SEL1L3: variants seen among roughly 807,000 people sequenced by gnomAD.
The protein encoded by SEL1L3 is SEL1L family member 3.
A neutral mutation model predicts 142.8 loss-of-function variants in SEL1L3; 76 were observed. The observed-to-expected ratio is 0.53, with a 90% CI of 0.44 to 0.64. SEL1L3 has a LOEUF of 0.64. SEL1L3 is among the 30% of genes least tolerant of loss of function. The pLI, the probability that SEL1L3 is intolerant of heterozygous loss-of-function variation, is 0.00. For synonymous variants in SEL1L3, 504 were observed against 519.6 expected, an observed-to-expected ratio of 0.97 and a Z score of 0.41; for missense variants, 1,262 against 1,381.7, an observed-to-expected ratio of 0.91 and a Z score of 1.37.
chr4:25,730,160 C>T, the SEL1L3 span, among the ~76,000 whole-genome samples: 1 of 152,064 alleles, frequency 6.6e-6, no homozygotes, highest in South Asian at 2.1e-4. Flanking sequence ...TCTCGAACTC[C>T]TGACCTCAAG....
intron 8 of SEL1L3, 56 bp from the exon 9 acceptor site, chr4:25,818,334 C>G: frequency 2.0e-6 from 3 of 1,465,010 alleles, no homozygotes; most frequent in Non-Finnish European, 2.8e-6. Flanking sequence ...ATAAGACTCA[C>G]CTCCCTAAAG....
Position 25,765,947 on chromosome 4 carries a change from GT to G in SEL1L3, c.2846-513del, listed in dbSNP as rs1295905199. Among the ~76,000 whole-genome samples, 7 of 152,204 alleles carry G rather than the reference GT, an allele frequency of 4.6e-5. No individual in the cohort carries two copies. The East Asian group carries it at 1.4e-3, about 29-fold the overall frequency. ...AGCCACCGTGCCTGGACTCTAGACA[GT>G]TTCTTATTTGGCCAGGTAGCTCTCC... On this transcript the variant is annotated intron_variant, in intron 19 of 23. Transcript: ENST00000399878.
intron 1 of SEL1L3, among the ~76,000 whole-genome samples, chr4:25,858,537 T>G (rs903412182): frequency 3.3e-5 from 5 of 152,126 alleles, no homozygotes; most frequent in African/African-American, 1.2e-4. Flanking sequence ...CTGTTCTGTT[T>G]TTTTGTTGTT....
chr4:25,837,288 C>T (rs1156389074), intron 2 of SEL1L3, among the ~76,000 whole-genome samples: 1 of 146,676 alleles, frequency 6.8e-6, no homozygotes, highest in Non-Finnish European at 1.5e-5. Flanking sequence ...CGTTAGACCC[C>T]TAGGAAGCCT....
chr4:25,815,397 T>C (rs538589051), intron 9 of SEL1L3, among the ~76,000 whole-genome samples: 2 of 152,234 alleles, frequency 1.3e-5, no homozygotes, highest in Admixed American at 6.5e-5. Flanking sequence ...GGACTTATGA[T>C]TGGGGTTTTT....
chr4:25,854,236 G>C (rs909516359), intron 1 of SEL1L3, among the ~76,000 whole-genome samples: 1 of 152,208 alleles, frequency 6.6e-6, no homozygotes, highest in African/African-American at 2.4e-5. Flanking sequence ...CAGCTGACTG[G>C]ACAGGCCCAC....
At chr4:25,739,025 G>A in the SEL1L3 span, among the ~76,000 whole-genome samples, 1 of 151,842 alleles carries the variant, frequency 6.6e-6, no homozygotes, top group Admixed American at 6.6e-5. Flanking sequence ...CCAACATGGA[G>A]AAACCCTGTC....
intron 17 of SEL1L3, 107 bp downstream of exon 17, chr4:25,776,170 G>A: frequency 1.5e-6 from 1 of 672,060 alleles, no homozygotes; most frequent in Non-Finnish European, 2.7e-6. Context: ...TGGGAGCTGT[G>A]ATTTCCCTGC....
At chr4:25,846,134 A>G (rs1716491100) in intron 2 of SEL1L3, among the ~76,000 whole-genome samples, 1 of 152,174 alleles carries the variant, frequency 6.6e-6, no homozygotes, top group African/African-American at 2.4e-5. Context: ...GGGGCAGAAG[A>G]AGAGCTGGCA....
chr4:25,852,184 T>A (rs1377320602), intron 1 of SEL1L3, among the ~76,000 whole-genome samples: 1 of 152,176 alleles, frequency 6.6e-6, no homozygotes. Context: ...GCCAGTCTAC[T>A]CTCTTATTCT....
intron 2 of SEL1L3, among the ~76,000 whole-genome samples, chr4:25,845,056 T>C (rs1029637542): frequency 1.3e-5 from 2 of 152,216 alleles, no homozygotes; most frequent in African/African-American, 4.8e-5. Flanking sequence ...CAGGACCCCC[T>C]GTAAAAAGTG....
intron 9 of SEL1L3, among the ~76,000 whole-genome samples, chr4:25,813,514 A>G (rs1714168631): frequency 6.6e-6 from 1 of 152,206 alleles, no homozygotes; most frequent in African/African-American, 2.4e-5. Flanking sequence ...AAAGCAGTCA[A>G]ACTCATCGAA....
intron 23 of SEL1L3, chr4:25,756,297 G>A: frequency 3.0e-6 from 3 of 985,360 alleles, no homozygotes; most frequent in Non-Finnish European, 3.6e-6. Flanking sequence ...GTCTGTGGGT[G>A]TGAGTACCTA....
At chr4:25,859,858 G>C (rs1222061319) in intron 1 of SEL1L3, among the ~76,000 whole-genome samples, 3 of 152,160 alleles carry the variant, frequency 2.0e-5, no homozygotes, top group Admixed American at 6.5e-5. Context: ...TCTGTGGCCT[G>C]CGCTTCCTGC....
intron 6 of SEL1L3, among the ~76,000 whole-genome samples, chr4:25,827,811 G>A (rs1418615167): frequency 6.6e-6 from 1 of 150,972 alleles, no homozygotes; most frequent in African/African-American, 2.4e-5. Context: ...GGTCGAAAAT[G>A]TCCTGGAGCT....
chr4:25,804,821 G>A, intron 9 of SEL1L3, 69 bp from the exon 10 acceptor site: 1 of 1,182,796 alleles, frequency 8.5e-7, no homozygotes, highest in Admixed American at 1.8e-5. Context: ...TAGAAAAAGA[G>A]GAAAAGCCAA....
At chr4:25,809,620 C>A (rs1016525378) in intron 9 of SEL1L3, among the ~76,000 whole-genome samples, 13 of 152,140 alleles carry the variant, frequency 8.5e-5, no homozygotes, top group African/African-American at 2.9e-4. Flanking sequence ...TCATTTTTCT[C>A]CCTGCCTTCT....
intron 1 of SEL1L3, among the ~76,000 whole-genome samples, chr4:25,851,567 A>C (rs1716901177): frequency 6.6e-6 from 1 of 151,668 alleles, no homozygotes; most frequent in South Asian, 2.1e-4. Flanking sequence ...ATTTTTTTTT[A>C]AGTAGGTGAG....
chr4:25,863,434 C>G, upstream of SEL1L3: 1 of 700,540 alleles, frequency 1.4e-6, no homozygotes. Flanking sequence ...TCCCACCCAC[C>G]CCTTTTGCGG....
Sources: allele counts gnomAD v4.1 joint callset (sites outside exome capture counted in the v4.1 genomes callset), GRCh38; gene constraint gnomAD v4.1.1; transcripts MANE v1.5; gene names NCBI Gene and HGNC (gene_info 2026-07-23, HGNC 2026-07-21).